KCNK5: variants seen among roughly 807,000 people sequenced by gnomAD.
KCNK5 encodes potassium two pore domain channel subfamily K member 5.
KCNK5 carries 18 observed loss-of-function variants against 32.9 expected under a neutral mutation model. The ratio of observed to expected loss-of-function variants is 0.55; its 90% CI spans 0.38 to 0.81. The LOEUF (loss-of-function observed/expected upper bound fraction) is 0.81. KCNK5 is among the 30% of genes least tolerant of loss of function. The pLI is 0.00. For missense variants in KCNK5, 507 were observed against 651.0 expected, an observed-to-expected ratio of 0.78 and a Z score of 2.41; for synonymous variants, 276 against 275.3, an observed-to-expected ratio of 1.00 and a Z score of -0.03.
At chr6:39,205,303 T>C (rs967914227) in intron 1 of KCNK5, among the ~76,000 whole-genome samples, 1 of 152,092 alleles carries the variant, frequency 6.6e-6, no homozygotes, top group African/African-American at 2.4e-5. Flanking sequence ...GCCTGAGAAG[T>C]GGGCCTGGGG....
chr6:39,207,693 G>A (rs1410811506), intron 1 of KCNK5, among the ~76,000 whole-genome samples: 20 of 152,118 alleles, frequency 1.3e-4, no homozygotes, highest in Admixed American at 1.2e-3. Flanking sequence ...TTGAAGGCCT[G>A]ATGGCCCCAG....
At chr6:39,226,003 T>C (rs1347555321) in intron 1 of KCNK5, among the ~76,000 whole-genome samples, 1 of 152,246 alleles carries the variant, frequency 6.6e-6, no homozygotes, top group Non-Finnish European at 1.5e-5. Context: ...TCTTGCCTAA[T>C]GTTTCTACTC....
chr6:39,195,662 G>T (rs1026355993), intron 2 of KCNK5, among the ~76,000 whole-genome samples: 6 of 152,316 alleles, frequency 3.9e-5, no homozygotes, highest in Admixed American at 6.5e-5. Flanking sequence ...CATTGTTTCT[G>T]CTCAAAGAGC....
chr6:39,217,048 A>G (rs1771449804), intron 1 of KCNK5, among the ~76,000 whole-genome samples: 1 of 135,702 alleles, frequency 7.4e-6, no homozygotes. Context: ...TGAATCCGGG[A>G]GGCGGAGGTT....
At chr6:39,200,866 C>T (rs11756116) in intron 1 of KCNK5, among the ~76,000 whole-genome samples, 2,433 of 152,352 alleles carry the variant, frequency 0.016, 29 homozygotes, top group Middle Eastern at 0.041. Context: ...GGTGGGGCAT[C>T]CCCTTCCTGG....
intron 1 of KCNK5, among the ~76,000 whole-genome samples, chr6:39,199,405 G>A (rs1051870705): frequency 6.6e-6 from 1 of 152,156 alleles, no homozygotes; most frequent in Non-Finnish European, 1.5e-5. Context: ...GCAGCCTCAG[G>A]CCCTGGCTTA....
intron 1 of KCNK5, among the ~76,000 whole-genome samples, chr6:39,196,759 G>A (rs115014416): frequency 0.019 from 2,942 of 152,306 alleles, 99 homozygotes; most frequent in African/African-American, 0.066. Context: ...CAGATCAGAG[G>A]GTGAGTACAT....
At chr6:39,209,826 T>C (rs569604872) in intron 1 of KCNK5, among the ~76,000 whole-genome samples, 1 of 152,342 alleles carries the variant, frequency 6.6e-6, no homozygotes, top group Admixed American at 6.5e-5. Context: ...TGAGCCTGTA[T>C]AGCATTGGCT....
Position 39,194,455 on chromosome 6 carries a change from C to A in KCNK5, c.466-118G>T. On this transcript the variant is annotated intron_variant, in intron 3 of 4. Coordinates refer to ENST00000359534, the MANE Select transcript of KCNK5 (RefSeq NM_003740.4). This position sits in a 1 kb window ranked among gnomAD's most constrained non-coding sequence, Gnocchi z 4.7. Reference sequence around the variant, plus strand: ...AGCTAGCTGGGTACCCAGCCTGACCCGGGAGGGCAAGGAGCTCTGAAACTA... The same window carrying A: ...AGCTAGCTGGGTACCCAGCCTGACCAGGGAGGGCAAGGAGCTCTGAAACTA... 2.1e-6 allele frequency: 3 copies of A among 1,427,226 alleles called. No individual in the cohort carries two copies. The highest frequency in any genetic ancestry group is 4.6e-5 in the East Asian group (2 of 43,484). The allele number at this position is 1,427,226 out of a possible 1,614,324, so 88.4% of individuals were successfully genotyped here.
intron 4 of KCNK5, among the ~76,000 whole-genome samples, chr6:39,192,932 A>G (rs1770966786): frequency 6.6e-6 from 1 of 152,178 alleles, no homozygotes; most frequent in African/African-American, 2.4e-5. Context: ...TAGCCCGGTC[A>G]GTTCTCCTCC....
intron 1 of KCNK5, among the ~76,000 whole-genome samples, chr6:39,200,925 C>G (rs1771123483): frequency 6.6e-6 from 1 of 152,216 alleles, no homozygotes. Flanking sequence ...CACCTTCAGA[C>G]ATGGGCAGGC....
intron 1 of KCNK5, among the ~76,000 whole-genome samples, chr6:39,199,118 G>A (rs1771082805): frequency 6.6e-6 from 1 of 152,160 alleles, no homozygotes; most frequent in African/African-American, 2.4e-5. Flanking sequence ...GAGATGCTCT[G>A]GCATTGAGAA....
At position 39,189,594 on chromosome 6, in the gene KCNK5, T is replaced by C. The variant is rs562774488; in HGVS notation, c.*1296A>G. The C allele has an allele frequency of 9.8e-5, 15 of 152,780 alleles. No homozygotes were observed. Among genetic ancestry groups the C allele is most frequent in the Admixed American group, 9.8e-4 (15 of 15,296 alleles). The allele number at this position is 152,780 out of a possible 1,614,324, so 9.5% of individuals were successfully genotyped here. ...AATAACAAAAACATTCAGGACACAG[T>C]GGGCCAGCCCCAGGGTGAACATCAT... On this transcript the variant is annotated 3_prime_UTR_variant, in exon 5 of 5. Coordinates refer to ENST00000359534, the MANE Select transcript of KCNK5 (RefSeq NM_003740.4).
At chr6:39,195,674 C>G (rs571330621) in intron 2 of KCNK5, among the ~76,000 whole-genome samples, 1 of 152,284 alleles carries the variant, frequency 6.6e-6, no homozygotes, top group African/African-American at 2.4e-5. Flanking sequence ...TCAAAGAGCC[C>G]AGGTCAAGAC....
intron 1 of KCNK5, among the ~76,000 whole-genome samples, chr6:39,201,548 GC>G (rs1387528954): frequency 6.6e-6 from 1 of 152,120 alleles, no homozygotes; most frequent in Non-Finnish European, 1.5e-5. Context: ...ACCACTCCCA[GC>G]AATCAATTCT....
chr6:39,191,281 C>T lies in KCNK5; in HGVS notation c.1109G>A (p.Arg370Lys). Reference protein sequence around the residue: ...QTLRSKGHVSRSPDEEAVARA... With the variant: ...QTLRSKGHVSKSPDEEAVARA... Reference sequence around the variant, plus strand: ...TGCCACAGCCTCCTCATCTGGGGACCTTGATACGTGGCCTTTGCTCCTCAG... The same window carrying T: ...TGCCACAGCCTCCTCATCTGGGGACTTTGATACGTGGCCTTTGCTCCTCAG... Residue 370 changes from arginine to lysine, a missense_variant, in exon 5 of 5, where the codon AGG becomes AAG. Coordinates refer to ENST00000359534, the MANE Select transcript of KCNK5 (RefSeq NM_003740.4). This position sits in a 1 kb window ranked among gnomAD's most constrained non-coding sequence, Gnocchi z 5.8. The T allele has an allele frequency of 1.2e-6, 2 of 1,614,098 alleles. No individual in the cohort carries two copies. The highest frequency in any genetic ancestry group is 1.3e-5 in the African/African-American group (1 of 75,070).
At chr6:39,206,748 G>A (rs575360666) in intron 1 of KCNK5, among the ~76,000 whole-genome samples, 1 of 152,198 alleles carries the variant, frequency 6.6e-6, no homozygotes, top group Non-Finnish European at 1.5e-5. Context: ...GCATCCACTA[G>A]CGGGTTACCT....
At chr6:39,207,419 T>TGC (rs1254884733) in intron 1 of KCNK5, among the ~76,000 whole-genome samples, 41 of 152,338 alleles carry the variant, frequency 2.7e-4, no homozygotes, top group Middle Eastern at 3.4e-3. Flanking sequence ...CCAAGACGTG[T>TGC]GCCTTCCAAG....
chr6:39,228,262 A>T (rs1771708064), intron 1 of KCNK5, among the ~76,000 whole-genome samples: 1 of 152,140 alleles, frequency 6.6e-6, no homozygotes, highest in African/African-American at 2.4e-5. Context: ...CTACTTTCAC[A>T]AAGTTTTACT....
Sources: allele counts gnomAD v4.1 joint callset (sites outside exome capture counted in the v4.1 genomes callset), GRCh38; gene constraint gnomAD v4.1.1; non-coding constraint Gnocchi (gnomAD v3.1); transcripts MANE v1.5; gene names NCBI Gene and HGNC (gene_info 2026-07-23, HGNC 2026-07-21).